The following GSC2 variants were observed in gnomAD, a reference collection of about 807,000 sequenced individuals.
GSC2 encodes the protein goosecoid homeobox 2.
A neutral mutation model predicts 11.3 loss-of-function variants in GSC2; 12 were observed. That is an observed-to-expected ratio of 1.06 (90% confidence interval 0.68 to 1.72). The LOEUF is 1.72. Ranked by LOEUF, GSC2 falls within the 40% of genes most tolerant of loss-of-function variation. GSC2 has a pLI of 0.00. For synonymous variants in GSC2, 148 were observed against 110.0 expected (o/e 1.35, Z -2.16); for missense variants, 310 against 235.7 (o/e 1.32, Z -2.06).
Position 19,149,832 on chromosome 22 carries a change from G to A in GSC2, c.344C>T (p.Pro115Leu), listed in dbSNP as rs201999846. 2.1e-4 allele frequency: 323 copies of A among 1,553,312 alleles called. No individual in the cohort carries two copies. The African/African-American group carries it at 2.7e-3, about 13-fold the overall frequency. ...CTGCGAACCCGGGCCGACCGCGCCC[G>A]GGAGCGCCCCGGAACCTCCGGCTGG... is the stretch of plus-strand genomic sequence containing the variant. The part of the protein sequence containing the change: ...GAPAGGSGAL[P>L]GAVGPGSQRR... Residue 115 changes from proline to leucine, a missense_variant, in exon 2 of 3, where the codon CCG (proline) becomes CTG (leucine). Pro to Leu is a moderately conservative substitution (Grantham distance 98). Transcript: ENST00000086933.
At position 19,149,109 on chromosome 22, in the gene GSC2, GA is replaced by G; in HGVS notation, c.514-15del. 2.0e-6 allele frequency: 3 copies of G among 1,500,790 alleles called. No individual in the cohort carries two copies. In the South Asian group the frequency reaches 3.6e-5, roughly 18 times the overall value. The allele number at this position is 1,500,790 out of a possible 1,614,324, so 93.0% of individuals were successfully genotyped here. A position where few individuals can be genotyped will look rare whatever the true frequency, so the allele number is the denominator to read the frequency against. On this transcript the variant is annotated splice_polypyrimidine_tract_variant and intron_variant, in intron 2 of 2. Coordinates refer to ENST00000086933, the MANE Select transcript of GSC2 (RefSeq NM_005315.2). The stretch of plus-strand genomic sequence containing the variant: ...CTTGAACCAGACCTGGGGATGGGGG[GA>G]ATGCTCAGCCCTAGCCCCAGGTCCT...
In GSC2 at chr22:19,148,982, C is replaced by G; in HGVS notation, c.*9G>C. The G allele has an allele frequency of 6.4e-7, 1 of 1,552,764 alleles. No homozygotes were observed. The highest frequency in any genetic ancestry group is 8.8e-7 in the Non-Finnish European group (1 of 1,135,266). On this transcript the variant is annotated 3_prime_UTR_variant, in exon 3 of 3. Coordinates refer to ENST00000086933, the MANE Select transcript of GSC2 (RefSeq NM_005315.2). ...GGGTGGCCGAGCCCAGGGGCAGCTCCTAGAGTCATCAGCAGCTCCCCTTCG... is the reference window on the plus strand; with the variant it reads ...GGGTGGCCGAGCCCAGGGGCAGCTCGTAGAGTCATCAGCAGCTCCCCTTCG...
intron 2 of GSC2, 75 bp from the exon 3 acceptor site, chr22:19,149,170 C>CCTCG: frequency 2.2e-6 from 2 of 896,946 alleles, no homozygotes; most frequent in Non-Finnish European, 3.3e-6. Flanking sequence ...CCACAGGGAC[C>CCTCG]GAGAGGGGAG....
chr22:19,148,223 G>A lies in GSC2; in HGVS notation c.*768C>T, dbSNP rs2083803376. ...GTGGAGCAGTCCCCTCTGCTGGGGAGCACCCTGGTGCAGAGACTGAGGATC... is the reference window on the plus strand; with the variant it reads ...GTGGAGCAGTCCCCTCTGCTGGGGAACACCCTGGTGCAGAGACTGAGGATC... On this transcript the variant is annotated 3_prime_UTR_variant, in exon 3 of 3. Transcript: ENST00000086933. Among the ~76,000 whole-genome samples, 1 of 152,206 alleles carries A rather than the reference G, an allele frequency of 6.6e-6. No homozygotes were observed. The highest frequency in any genetic ancestry group is 2.4e-5 in the African/African-American group (1 of 41,442).
rs2083808304 is a variant in GSC2, at chr22:19,148,926, C to T, written c.*65G>A. 3.1e-6 allele frequency: 3 copies of T among 970,932 alleles called. No homozygotes were observed. The highest frequency in any genetic ancestry group is 4.7e-6 in the Non-Finnish European group (3 of 634,654). The allele number at this position is 970,932 out of a possible 1,614,324, so 60.1% of individuals were successfully genotyped here. A position where few individuals can be genotyped will look rare whatever the true frequency, so the allele number is the denominator to read the frequency against. ...GCTCCTTTTCGGGTAGACCTGTCTT[C>T]TCTCAGCGCCAACTCCAAAGATCCC... is the stretch of plus-strand genomic sequence containing the variant. On this transcript the variant is annotated 3_prime_UTR_variant, in exon 3 of 3. Transcript: ENST00000086933.
rs1555917748 is a variant in GSC2, at chr22:19,148,570, G to C, written c.*421C>G. 7 of 162,336 alleles carry C rather than the reference G, an allele frequency of 4.3e-5. No individual in the cohort carries two copies. The allele number at this position is 162,336 out of a possible 1,614,324, so 10.1% of individuals were successfully genotyped here. A position where few individuals can be genotyped will look rare whatever the true frequency, so the allele number is the denominator to read the frequency against. ...ACGAACCCCATCCCCTCTCCCGCTG[G>C]GGGAGGACGAGCCAGGTCAAGTTAG... On this transcript the variant is annotated 3_prime_UTR_variant, in exon 3 of 3. Transcript: ENST00000086933.
At chr22:19,149,266 A>C (rs559203386) in intron 2 of GSC2, among the ~76,000 whole-genome samples, 171 bp from the exon 3 acceptor site, 1 of 152,170 alleles carries the variant, frequency 6.6e-6, no homozygotes, top group South Asian at 2.1e-4. Context: ...TTCGCTGCGG[A>C]CAGACTCGGT....
chr22:19,149,662 C>T lies in GSC2; in HGVS notation c.513+1G>A, dbSNP rs561346073. The T allele has an allele frequency of 1.9e-4, 296 of 1,539,986 alleles. 2 individuals are homozygous for T. In the East Asian group the frequency reaches 6.2e-3, roughly 32 times the overall value. ...GGGGAAAGGCTGGGCGGGGCACTCACCTCCACGCGCTCCTCGCGAAGGCGG... is the reference window on the plus strand; with the variant it reads ...GGGGAAAGGCTGGGCGGGGCACTCATCTCCACGCGCTCCTCGCGAAGGCGG... On this transcript the variant is annotated splice_donor_variant, in intron 2 of 2. Transcript: ENST00000086933. LOFTEE classifies it high-confidence loss of function.
rs1217771179 is a variant in GSC2, at chr22:19,147,615, C to A, written c.*1376G>T. ...AGGTAGTCTGTTCAGTCCCCAAGGGCAAGACCAGGGTTCAGGGAGAAGGGC... is the reference window on the plus strand; with the variant it reads ...AGGTAGTCTGTTCAGTCCCCAAGGGAAAGACCAGGGTTCAGGGAGAAGGGC... On this transcript the variant is annotated 3_prime_UTR_variant, in exon 3 of 3. Coordinates refer to ENST00000086933, the MANE Select transcript of GSC2 (RefSeq NM_005315.2). Among the ~76,000 whole-genome samples, 1 of 152,200 alleles carries A rather than the reference C, an allele frequency of 6.6e-6. No homozygotes were observed. Among genetic ancestry groups the A allele is most frequent in the Non-Finnish European group, 1.5e-5 (1 of 68,032 alleles).
Position 19,148,971 on chromosome 22 carries a change from A to G in GSC2, c.*20T>C. The G allele has an allele frequency of 6.8e-7, 1 of 1,465,094 alleles. No individual in the cohort carries two copies. The highest frequency in any genetic ancestry group is 9.4e-7 in the Non-Finnish European group (1 of 1,063,814). The allele number at this position is 1,465,094 out of a possible 1,614,324, so 90.8% of individuals were successfully genotyped here. A position where few individuals can be genotyped will look rare whatever the true frequency, so the allele number is the denominator to read the frequency against. Reference sequence around the variant, plus strand: ...GATCCCAAAAAGGGTGGCCGAGCCCAGGGGCAGCTCCTAGAGTCATCAGCA... The same window carrying G: ...GATCCCAAAAAGGGTGGCCGAGCCCGGGGGCAGCTCCTAGAGTCATCAGCA... On this transcript the variant is annotated 3_prime_UTR_variant, in exon 3 of 3. Coordinates refer to ENST00000086933, the MANE Select transcript of GSC2 (RefSeq NM_005315.2).
intron 2 of GSC2, 136 bp downstream of exon 2, chr22:19,149,527 G>A (rs888972836): frequency 1.3e-5 from 13 of 982,302 alleles, no homozygotes; most frequent in South Asian, 2.0e-5. Context: ...CGCCGTCCAG[G>A]GACCTCCTCC....
rs2083808354 is a variant in GSC2, at chr22:19,148,930, C to T, written c.*61G>A. 3 of 1,017,076 alleles carry T rather than the reference C, an allele frequency of 2.9e-6. No homozygotes were observed. The Admixed American group carries it at 6.7e-5, about 23-fold the overall frequency. 63.0% of individuals were successfully genotyped at this position (1,017,076 alleles called of 1,614,324 possible). On this transcript the variant is annotated 3_prime_UTR_variant, in exon 3 of 3. Transcript: ENST00000086933. ...CTTTTCGGGTAGACCTGTCTTCTCT[C>T]AGCGCCAACTCCAAAGATCCCAAAA...
Position 19,149,039 on chromosome 22 carries a change from G to C in GSC2, c.570C>G (p.Ser190=). The part of the protein sequence containing the change: ...KWRHQKRASA[S]ARLLPGVKKS... ...TCTTGACGCCGGGCAGGAGCCTCGC[G>C]GAAGCCGACGCGCGCTTCTGGTGTC... Residue 190 remains serine, a synonymous_variant, in exon 3 of 3, where the codon TCC becomes TCG. Coordinates refer to ENST00000086933, the MANE Select transcript of GSC2 (RefSeq NM_005315.2). 6.2e-7 allele frequency: 1 copy of C among 1,602,690 alleles called. No homozygotes were observed. Among genetic ancestry groups the C allele is most frequent in the Non-Finnish European group, 8.5e-7 (1 of 1,174,902 alleles).
chr22:19,149,420 G>A (rs539260348), intron 2 of GSC2, among the ~76,000 whole-genome samples: 5 of 152,236 alleles, frequency 3.3e-5, no homozygotes, highest in South Asian at 4.1e-4. Context: ...GTCACCAGAG[G>A]AAAGTGTAAA....
rs935759199 is a variant in GSC2, at chr22:19,147,296, C to T, written c.*1695G>A. 2.6e-5 allele frequency among the ~76,000 whole-genome samples: 4 copies of T among 152,070 alleles called. No individual in the cohort carries two copies. The highest frequency in any genetic ancestry group is 4.8e-5 in the African/African-American group (2 of 41,404). ...TGGAGTCTGAGGGTAAAAGATAAAC[C>T]GGGAAGAGGGTGAAGATGAGAAGCG... On this transcript the variant is annotated 3_prime_UTR_variant, in exon 3 of 3. Coordinates refer to ENST00000086933, the MANE Select transcript of GSC2 (RefSeq NM_005315.2).
intron 2 of GSC2, 85 bp downstream of exon 2, chr22:19,149,578 T>G: frequency 4.4e-6 from 6 of 1,363,446 alleles, no homozygotes; most frequent in Non-Finnish European, 5.7e-6. Flanking sequence ...AGGCCGTCTT[T>G]GCAAAGGGCG....
Position 19,148,972 on chromosome 22 carries a change from G to C in GSC2, c.*19C>G. 1 of 1,470,678 alleles carries C rather than the reference G, an allele frequency of 6.8e-7. No individual in the cohort carries two copies. Among genetic ancestry groups the C allele is most frequent in the African/African-American group, 1.4e-5 (1 of 71,606 alleles). The allele number at this position is 1,470,678 out of a possible 1,614,324, so 91.1% of individuals were successfully genotyped here. On this transcript the variant is annotated 3_prime_UTR_variant, in exon 3 of 3. Transcript: ENST00000086933. ...ATCCCAAAAAGGGTGGCCGAGCCCA[G>C]GGGCAGCTCCTAGAGTCATCAGCAG... is the stretch of plus-strand genomic sequence containing the variant.
Position 19,150,170 on chromosome 22 carries a change from G to A in GSC2, c.114C>T (p.Ala38=). 4 of 671,260 alleles carry A rather than the reference G, an allele frequency of 6.0e-6. No individual in the cohort carries two copies. Among genetic ancestry groups the A allele is most frequent in the South Asian group, 5.8e-5 (1 of 17,166 alleles). 41.6% of individuals were successfully genotyped at this position (671,260 alleles called of 1,614,324 possible). A position where few individuals can be genotyped will look rare whatever the true frequency, so the allele number is the denominator to read the frequency against. Residue 38 remains alanine (A), a synonymous_variant, in exon 1 of 3, where the codon GCC becomes GCT. Transcript: ENST00000086933. ...GACCGGCGGGCTGCGGTGGGCAGGC[G>A]GCCCGGGCCGGGAGGCTCCGCTCGG... ...SLPERSLPAR[A]ACPPQPAGRQ...
In GSC2 at chr22:19,148,911, G is replaced by A; in HGVS notation, c.*80C>T. The A allele has an allele frequency of 1.2e-6, 1 of 823,638 alleles. No homozygotes were observed. Among genetic ancestry groups the A allele is most frequent in the Non-Finnish European group, 2.0e-6 (1 of 510,748 alleles). The allele number at this position is 823,638 out of a possible 1,614,324, so 51.0% of individuals were successfully genotyped here. On this transcript the variant is annotated 3_prime_UTR_variant, in exon 3 of 3. Coordinates refer to ENST00000086933, the MANE Select transcript of GSC2 (RefSeq NM_005315.2). ...CGGTGTACTCTCCCAGCTCCTTTTC[G>A]GGTAGACCTGTCTTCTCTCAGCGCC...
Sources: allele counts gnomAD v4.1 joint callset (sites outside exome capture counted in the v4.1 genomes callset), GRCh38; gene constraint gnomAD v4.1.1; transcripts MANE v1.5; gene names NCBI Gene and HGNC (gene_info 2026-07-23, HGNC 2026-07-21).